CSDE1: variants seen among roughly 807,000 people sequenced by gnomAD.
CSDE1 encodes the protein cold shock domain containing E1.
CSDE1 carries 17 observed loss-of-function variants against 89.3 expected under a neutral mutation model. The observed-to-expected ratio is 0.19, with a 90% CI of 0.13 to 0.29. The LOEUF (loss-of-function observed/expected upper bound fraction) is 0.29, where lower values mean the gene tolerates loss of function less well. Among genes scored for constraint, CSDE1 ranks in the 10% least tolerant of loss-of-function variants. The pLI, the probability that CSDE1 is intolerant of heterozygous loss-of-function variation, is 1.00. For synonymous variants in CSDE1, 322 were observed against 332.8 expected, an observed-to-expected ratio of 0.97 and a Z score of 0.35; for missense variants, 672 against 984.2, an observed-to-expected ratio of 0.68 and a Z score of 4.24.
In CSDE1 at chr1:114,718,149, G is replaced by C; in HGVS notation, c.*20C>G. 6.2e-7 allele frequency: 1 copy of C among 1,613,712 alleles called. No homozygotes were observed. The highest frequency in any genetic ancestry group is 2.2e-5 in the East Asian group (1 of 44,872). On this transcript the variant is annotated 3_prime_UTR_variant, in exon 20 of 20. Transcript: ENST00000358528. ...CCCAACTTGATCATAGTGGATTAAT[G>C]GTGTGCTTTGTGGATGTGGTTAGTC...
intron 9 of CSDE1, among the ~76,000 whole-genome samples, chr1:114,733,449 C>G (rs1660212561): frequency 6.6e-6 from 1 of 151,316 alleles, no homozygotes; most frequent in East Asian, 1.9e-4. Context: ...TCGCTTAAAC[C>G]CGGGAGGCGG....
Position 114,717,574 on chromosome 1 carries a change from T to C in CSDE1, c.*595A>G, listed in dbSNP as rs990360457. ...ATATAACCAAACTTCTTTAAGTGGA[T>C]TGTGACAAGATTATAAATGATATGA... is the stretch of plus-strand genomic sequence containing the variant. On this transcript the variant is annotated 3_prime_UTR_variant, in exon 20 of 20. Transcript: ENST00000358528. 4 of 152,702 alleles carry C rather than the reference T, an allele frequency of 2.6e-5. No homozygotes were observed. Among genetic ancestry groups the C allele is most frequent in the African/African-American group, 9.6e-5 (4 of 41,558 alleles). 9.5% of individuals were successfully genotyped at this position (152,702 alleles called of 1,614,324 possible). A position where few individuals can be genotyped will look rare whatever the true frequency, so the allele number is the denominator to read the frequency against.
chr1:114,737,303 T>C (rs1024219201), intron 5 of CSDE1, among the ~76,000 whole-genome samples, 168 bp downstream of exon 5: 13 of 152,154 alleles, frequency 8.5e-5, no homozygotes, highest in African/African-American at 2.9e-4. Context: ...TCCTATGGAA[T>C]TTTTCTTTTT....
chr1:114,736,314 C>T (rs958066318), intron 6 of CSDE1, among the ~76,000 whole-genome samples: 9 of 152,170 alleles, frequency 5.9e-5, no homozygotes, highest in Admixed American at 5.9e-4. Flanking sequence ...AAACCAATCA[C>T]ACTTCCTTGT....
chr1:114,735,997 T>C (rs1197357383), intron 6 of CSDE1, among the ~76,000 whole-genome samples: 3 of 152,200 alleles, frequency 2.0e-5, no homozygotes, highest in African/African-American at 7.2e-5. Flanking sequence ...AAGATAAGTA[T>C]GATTCTTTTC....
chr1:114,756,542 G>T (rs191718566), intron 1 of CSDE1, among the ~76,000 whole-genome samples: 7 of 152,244 alleles, frequency 4.6e-5, no homozygotes, highest in Admixed American at 4.6e-4. Context: ...TTTTAGTATA[G>T]AGTAGCTTAT....
intron 10 of CSDE1, among the ~76,000 whole-genome samples, chr1:114,732,110 A>G (rs544567414): frequency 6.6e-6 from 1 of 151,864 alleles, no homozygotes; most frequent in African/African-American, 2.4e-5. Flanking sequence ...CACCGTGCCT[A>G]TGATTTTTTT....
At chr1:114,729,514 C>CAAAAAAAAAAA (rs66566286) in intron 12 of CSDE1, among the ~76,000 whole-genome samples, 2 of 127,236 alleles carry the variant, frequency 1.6e-5, no homozygotes, top group Admixed American at 7.9e-5. Context: ...CACACAAAAC[C>CAAAAAAAAAAA]AAAAAAAAAA....
At chr1:114,742,543 C>T (rs1660786395) in intron 2 of CSDE1, among the ~76,000 whole-genome samples, 1 of 152,190 alleles carries the variant, frequency 6.6e-6, no homozygotes, top group Non-Finnish European at 1.5e-5. Context: ...AATTGTGCTA[C>T]TGCACTCCAG....
At chr1:114,718,258 G>C (rs1257364646) in intron 19 of CSDE1, 42 bp from the exon 20 acceptor site, 1 of 1,587,772 alleles carries the variant, frequency 6.3e-7, no homozygotes, top group African/African-American at 1.4e-5. Context: ...TTAATGATTT[G>C]AGCGCACAAC....
chr1:114,724,550 G>A (rs1297783190), intron 15 of CSDE1, among the ~76,000 whole-genome samples: 1 of 152,164 alleles, frequency 6.6e-6, no homozygotes, highest in East Asian at 1.9e-4. Flanking sequence ...GAGTTCAGAT[G>A]AGAGCCAAAA....
At chr1:114,736,913 G>T in intron 5 of CSDE1, 58 bp from the exon 6 acceptor site, 1 of 1,310,752 alleles carries the variant, frequency 7.6e-7, no homozygotes, top group Non-Finnish European at 1.1e-6. Flanking sequence ...ACTGTATACT[G>T]TGATTTACTT....
intron 2 of CSDE1, among the ~76,000 whole-genome samples, chr1:114,740,600 T>C (rs1660675114): frequency 6.6e-6 from 1 of 152,226 alleles, no homozygotes; most frequent in Admixed American, 6.5e-5. Flanking sequence ...ACTTTTTACA[T>C]ACTGATGAAA....
rs1188759038 is a variant in CSDE1 at position 114,739,868 on chromosome 1, A to T, written c.23T>A (p.Leu8His). 6.2e-7 allele frequency: 1 copy of T among 1,613,914 alleles called. No homozygotes were observed. Among genetic ancestry groups the T allele is most frequent in the African/African-American group, 1.3e-5 (1 of 74,922 alleles). The change falls in exon 3 of 20, where the codon CTC becomes CAC. Residue 8 changes from leucine to histidine, a missense_variant. Physicochemically the swap from Leu to His is moderately conservative, Grantham distance 99. Around this residue, in one of 8 missense-constraint regions of CSDE1, gnomAD observed 26 missense variants for 24.3 expected, o/e 1.07. Coordinates refer to ENST00000358528, the MANE Select transcript of CSDE1 (RefSeq NM_001007553.3). ...GTACCCATTATGTCCATTGTTGTGG[A>T]GAAGGTTTGGATCAAAGCTCATCTG... Reference protein sequence around the residue: MSFDPNLLHNNGHNGYPN... With the variant: MSFDPNLHHNNGHNGYPN...
At chr1:114,755,027 G>A (rs536097110) in intron 1 of CSDE1, among the ~76,000 whole-genome samples, 2 of 152,228 alleles carry the variant, frequency 1.3e-5, no homozygotes, top group South Asian at 4.1e-4. Flanking sequence ...AGAAACAGAA[G>A]GAATTTTAAT....
chr1:114,724,583 T>C (rs1659697362), intron 15 of CSDE1, among the ~76,000 whole-genome samples: 1 of 152,184 alleles, frequency 6.6e-6, no homozygotes, highest in South Asian at 2.1e-4. Context: ...TCTTTTAAAG[T>C]CAGAGATCCA....
rs1659212528 is a variant in CSDE1, at chr1:114,717,036, A to C, written c.*1133T>G. On this transcript the variant is annotated 3_prime_UTR_variant, in exon 20 of 20. Transcript: ENST00000358528. ...TAAACGGCCTCTTTACCCAGAGATC[A>C]AAACCTCAAACGACAAGGGGGAAGA... 6.5e-6 allele frequency: 1 copy of C among 152,752 alleles called. No individual in the cohort carries two copies. The highest frequency in any genetic ancestry group is 1.5e-5 in the Non-Finnish European group (1 of 68,100). 9.5% of individuals were successfully genotyped at this position (152,752 alleles called of 1,614,324 possible).
intron 1 of CSDE1, among the ~76,000 whole-genome samples, chr1:114,753,710 C>T (rs1177520389): frequency 1.3e-5 from 2 of 152,058 alleles, no homozygotes; most frequent in African/African-American, 4.8e-5. Context: ...CTGAGACCAG[C>T]CTGGGCAACA....
At position 114,717,054 on chromosome 1, in the gene CSDE1, G is replaced by C. The variant is rs1333746222; in HGVS notation, c.*1115C>G. ...AGAGATCAAAACCTCAAACGACAAG[G>C]GGGAAGATAAAACCGCCCTCCCCCA... On this transcript the variant is annotated 3_prime_UTR_variant, in exon 20 of 20. Transcript: ENST00000358528. 2.0e-5 allele frequency: 3 copies of C among 152,760 alleles called. No individual in the cohort carries two copies. The highest frequency in any genetic ancestry group is 6.5e-5 in the Admixed American group (1 of 15,282). 9.5% of individuals were successfully genotyped at this position (152,760 alleles called of 1,614,324 possible). A position where few individuals can be genotyped will look rare whatever the true frequency, so the allele number is the denominator to read the frequency against.
Sources: allele counts gnomAD v4.1 joint callset (sites outside exome capture counted in the v4.1 genomes callset), GRCh38; gene constraint gnomAD v4.1.1; regional missense constraint gnomAD v4.1.1; transcripts MANE v1.5; gene names NCBI Gene and HGNC (gene_info 2026-07-23, HGNC 2026-07-21).